GRIK2: variants seen among roughly 807,000 people sequenced by gnomAD.
GRIK2 encodes glutamate ionotropic receptor kainate type subunit 2.
In GRIK2, 32 loss-of-function variants were observed where a neutral mutation model predicts 100.3. The ratio of observed to expected loss-of-function variants is 0.32; its 90% CI spans 0.24 to 0.43. The LOEUF (loss-of-function observed/expected upper bound fraction) is 0.43, where lower values mean the gene tolerates loss of function less well. GRIK2 is among the 20% of genes least tolerant of loss of function. The pLI, the probability that GRIK2 is intolerant of heterozygous loss-of-function variation, is 1.00. For synonymous variants in GRIK2, 417 were observed against 389.4 expected, an observed-to-expected ratio of 1.07 and a Z score of -0.83; for missense variants, 843 against 1,114.9, an observed-to-expected ratio of 0.76 and a Z score of 3.47.
chr6:101,527,898 A>C (rs1399489758), intron 2 of GRIK2, among the ~76,000 whole-genome samples: 2 of 152,130 alleles, frequency 1.3e-5, no homozygotes, highest in Non-Finnish European at 2.9e-5. Context: ...TAGACCAAGG[A>C]AAATAGTTAA....
At position 101,614,365 on chromosome 6, in the gene GRIK2, G is replaced by A. The variant is rs1238288870; in HGVS notation, c.116-7584G>A. On this transcript the variant is annotated intron_variant, in intron 2 of 16. Transcript: ENST00000369134. ...CAATTGTATAAATAAACACTCATAA[G>A]CACTTTGATTAAACAATTGCTTATA... is the stretch of plus-strand genomic sequence containing the variant. 2.0e-4 allele frequency among the ~76,000 whole-genome samples: 31 copies of A among 151,504 alleles called. No homozygotes were observed. The Admixed American group carries it at 2.0e-3, about 10-fold the overall frequency.
At chr6:101,549,569 T>C in intron 2 of GRIK2, among the ~76,000 whole-genome samples, 1 of 152,276 alleles carries the variant, frequency 6.6e-6, no homozygotes, top group Non-Finnish European at 1.5e-5. Context: ...TTTAATTTTA[T>C]CTGATTTTAA....
chr6:101,678,036 C>T (rs1770970056), intron 5 of GRIK2, among the ~76,000 whole-genome samples: 1 of 152,108 alleles, frequency 6.6e-6, no homozygotes, highest in Non-Finnish European at 1.5e-5. Flanking sequence ...ATTTATTTCA[C>T]ATAATTCCCA....
chr6:101,691,621 A>T (rs1772104362), intron 7 of GRIK2, among the ~76,000 whole-genome samples: 1 of 152,092 alleles, frequency 6.6e-6, no homozygotes, highest in Non-Finnish European at 1.5e-5. Context: ...ACTTTTGATT[A>T]AATAGTGAAA....
intron 2 of GRIK2, among the ~76,000 whole-genome samples, chr6:101,422,118 C>A (rs1411524895): frequency 6.6e-6 from 1 of 152,136 alleles, no homozygotes; most frequent in Non-Finnish European, 1.5e-5. Context: ...CAGTTGTGTA[C>A]TTAAAGGCAA....
intron 14 of GRIK2, among the ~76,000 whole-genome samples, chr6:101,938,783 T>C (rs1446479691): frequency 1.3e-5 from 2 of 152,098 alleles, no homozygotes; most frequent in African/African-American, 4.8e-5. Context: ...GATGGTTATA[T>C]AATTCATTTT....
At chr6:101,748,447 G>A (rs1006297753) in intron 7 of GRIK2, among the ~76,000 whole-genome samples, 3 of 151,958 alleles carry the variant, frequency 2.0e-5, no homozygotes, top group Non-Finnish European at 4.4e-5. Flanking sequence ...CATTAAAAAG[G>A]ACATTAAGTA....
At chr6:101,521,621 A>T (rs191818287) in intron 2 of GRIK2, among the ~76,000 whole-genome samples, 2,906 of 151,922 alleles carry the variant, frequency 0.019, 46 homozygotes, top group South Asian at 0.039. Context: ...ATAGCGTAAA[A>T]TTTTTTTAAT....
At chr6:101,807,442 C>T (rs1406378909) in intron 9 of GRIK2, among the ~76,000 whole-genome samples, 1 of 151,838 alleles carries the variant, frequency 6.6e-6, no homozygotes, top group Non-Finnish European at 1.5e-5. Flanking sequence ...TGGAAATAAA[C>T]AAAGCTCACC....
chr6:101,664,354 C>T (rs1388111239), intron 4 of GRIK2, among the ~76,000 whole-genome samples: 1 of 152,190 alleles, frequency 6.6e-6, no homozygotes, highest in Non-Finnish European at 1.5e-5. Flanking sequence ...GACTGGTGCT[C>T]CAGCAAGCAC....
At chr6:102,037,149 A>C (rs1013927434) in intron 15 of GRIK2, among the ~76,000 whole-genome samples, 2 of 151,334 alleles carry the variant, frequency 1.3e-5, no homozygotes, top group Non-Finnish European at 3.0e-5. Context: ...TGAGATACTA[A>C]TTCTTGCATT....
intron 7 of GRIK2, among the ~76,000 whole-genome samples, chr6:101,693,827 G>C (rs1303934470): frequency 6.6e-6 from 1 of 151,944 alleles, no homozygotes; most frequent in Non-Finnish European, 1.5e-5. Flanking sequence ...GATATCATGT[G>C]ATATGATTAT....
chr6:101,784,451 A>G (rs1332126742), intron 7 of GRIK2, among the ~76,000 whole-genome samples: 1 of 152,204 alleles, frequency 6.6e-6, no homozygotes, highest in Non-Finnish European at 1.5e-5. Flanking sequence ...TTGGACTTGG[A>G]TTTTTAGGTT....
intron 2 of GRIK2, among the ~76,000 whole-genome samples, chr6:101,464,971 C>A (rs1215672471): frequency 6.6e-6 from 1 of 152,098 alleles, no homozygotes; most frequent in African/African-American, 2.4e-5. Flanking sequence ...TAACAGGACT[C>A]CTGAGCTCTT....
At position 102,035,381 on chromosome 6, in the gene GRIK2, T is replaced by C. The variant is rs750691317; in HGVS notation, c.2126T>C (p.Met709Thr). Residue 709 changes from methionine to threonine, a missense_variant, in exon 15 of 17, where the codon ATG becomes ACG. By Grantham distance (81) the Met-to-Thr change is moderately conservative. Transcript: ENST00000369134. The part of the protein sequence containing the change: ...ISTYDKMWAF[M>T]SSRRQSVLVK... ...ACGTATGACAAAATGTGGGCCTTTA[T>C]GAGTAGCAGAAGGCAGTCAGTGCTG... 6.2e-7 allele frequency: 1 copy of C among 1,607,612 alleles called. No individual in the cohort carries two copies. Among genetic ancestry groups the C allele is most frequent in the South Asian group, 1.1e-5 (1 of 90,812 alleles).
At chr6:101,520,901 C>G (rs776360708) in intron 2 of GRIK2, among the ~76,000 whole-genome samples, 15 of 151,918 alleles carry the variant, frequency 9.9e-5, no homozygotes, top group Non-Finnish European at 1.6e-4. Context: ...ATATTCAACT[C>G]AAAGTTTTCA....
At chr6:101,994,075 C>T (rs779297586) in intron 14 of GRIK2, among the ~76,000 whole-genome samples, 23 of 148,842 alleles carry the variant, frequency 1.5e-4, no homozygotes, top group Non-Finnish European at 2.4e-4. Flanking sequence ...CAAATACATA[C>T]ATTATAAATG....
At chr6:101,510,227 G>C (rs966690482) in intron 2 of GRIK2, among the ~76,000 whole-genome samples, 1 of 152,148 alleles carries the variant, frequency 6.6e-6, no homozygotes, top group Non-Finnish European at 1.5e-5. Flanking sequence ...TGGTAGGAGA[G>C]TGAGGGCTTC....
At chr6:101,753,000 A>G (rs1450636490) in intron 7 of GRIK2, among the ~76,000 whole-genome samples, 2 of 152,190 alleles carry the variant, frequency 1.3e-5, no homozygotes, top group Non-Finnish European at 2.9e-5. Context: ...TTAAATCAAG[A>G]CAAAATAAGA....
Sources: gnomAD v4.1 joint callset for allele counts (sites outside exome capture counted in the v4.1 genomes callset) on GRCh38, gnomAD v4.1.1 for gene constraint, MANE v1.5 for transcripts, NCBI Gene and HGNC (gene_info 2026-07-23, HGNC 2026-07-21) for gene names.